The following IQCJ variants were observed in gnomAD, a reference collection of about 807,000 sequenced individuals.
The protein encoded by IQCJ is IQ domain-containing protein J.
In IQCJ, 9 loss-of-function variants were observed where a neutral mutation model predicts 11.0. The ratio of observed to expected loss-of-function variants is 0.82; its 90% CI spans 0.49 to 1.43. The LOEUF (loss-of-function observed/expected upper bound fraction) is 1.43, where lower values mean the gene tolerates loss of function less well. IQCJ is among the 40% of genes most tolerant of loss of function. IQCJ has a pLI of 0.00. For synonymous variants in IQCJ, 55 were observed against 51.3 expected, an observed-to-expected ratio of 1.07 and a Z score of -0.31; for missense variants, 146 against 133.2, an observed-to-expected ratio of 1.10 and a Z score of -0.47.
intron 1 of IQCJ, among the ~76,000 whole-genome samples, chr3:159,156,928 A>G (rs574785765): frequency 6.6e-6 from 1 of 152,184 alleles, no homozygotes; most frequent in African/African-American, 2.4e-5. Flanking sequence ...TTACTAGACT[A>G]TTTTCAACTT....
chr3:159,081,853 A>C (rs1716335585), intron 1 of IQCJ, among the ~76,000 whole-genome samples: 1 of 152,134 alleles, frequency 6.6e-6, no homozygotes, highest in African/African-American at 2.4e-5. Context: ...GGAGAGACTT[A>C]AGTAGAATAA....
chr3:159,103,852 A>G (rs183547039), intron 1 of IQCJ, among the ~76,000 whole-genome samples: 2 of 152,400 alleles, frequency 1.3e-5, no homozygotes, highest in African/African-American at 4.8e-5. Flanking sequence ...GAGAAGTAAT[A>G]ATGCTAGGTA....
intron 1 of IQCJ, among the ~76,000 whole-genome samples, chr3:159,146,622 C>T (rs577755301): frequency 4.6e-5 from 7 of 152,240 alleles, no homozygotes; most frequent in African/African-American, 1.7e-4. Context: ...CATTTAACTT[C>T]CAGGAACCTT....
chr3:159,209,781 G>C (rs1560026515), intron 1 of IQCJ, among the ~76,000 whole-genome samples: 2 of 152,146 alleles, frequency 1.3e-5, no homozygotes, highest in African/African-American at 2.4e-5. Context: ...AGTCCTGTAA[G>C]GGTGTCAGGG....
chr3:159,198,224 G>C (rs1044177052), intron 1 of IQCJ, among the ~76,000 whole-genome samples: 1 of 152,170 alleles, frequency 6.6e-6, no homozygotes, highest in Non-Finnish European at 1.5e-5. Flanking sequence ...AAGTAGAAAA[G>C]CATGTGTACT....
chr3:159,205,143 C>A (rs1487414216), intron 1 of IQCJ, among the ~76,000 whole-genome samples: 1 of 152,150 alleles, frequency 6.6e-6, no homozygotes. Context: ...ACACCAACCA[C>A]AAGTTTGGGG....
chr3:159,116,890 A>G (rs1478992085), intron 1 of IQCJ, among the ~76,000 whole-genome samples: 2 of 151,830 alleles, frequency 1.3e-5, no homozygotes, highest in African/African-American at 4.8e-5. Context: ...TGTTCCTGAG[A>G]AGGATCACTG....
At chr3:159,247,187 C>T (rs1345884559) in intron 2 of IQCJ, among the ~76,000 whole-genome samples, 1 of 152,162 alleles carries the variant, frequency 6.6e-6, no homozygotes, top group African/African-American at 2.4e-5. Context: ...ACCTCCGCCT[C>T]CCGGGTTCAA....
chr3:159,244,937 C>A (rs1042680424), intron 1 of IQCJ, among the ~76,000 whole-genome samples: 18 of 152,126 alleles, frequency 1.2e-4, no homozygotes, highest in African/African-American at 4.3e-4. Flanking sequence ...AGTGTGGCCT[C>A]AGGGAATGGT....
intron 1 of IQCJ, among the ~76,000 whole-genome samples, chr3:159,199,062 G>A (rs1219425164): frequency 6.6e-6 from 1 of 152,168 alleles, no homozygotes; most frequent in Non-Finnish European, 1.5e-5. Context: ...GAAACATTGT[G>A]GTGGTAAGTT....
chr3:159,147,828 AAG>A (rs1721003130), intron 1 of IQCJ, among the ~76,000 whole-genome samples: 1 of 152,216 alleles, frequency 6.6e-6, no homozygotes, highest in South Asian at 2.1e-4. Context: ...AACTTACTAA[AAG>A]AGGAATGACA....
intron 1 of IQCJ, among the ~76,000 whole-genome samples, chr3:159,149,199 A>C (rs906106248): frequency 2.6e-5 from 4 of 152,216 alleles, no homozygotes; most frequent in Non-Finnish European, 5.9e-5. Flanking sequence ...TCCTGGACAG[A>C]TTCTGCTTTA....
At chr3:159,127,118 C>T (rs552296997) in intron 1 of IQCJ, among the ~76,000 whole-genome samples, 1 of 152,336 alleles carries the variant, frequency 6.6e-6, no homozygotes, top group South Asian at 2.1e-4. Flanking sequence ...CAAGGAATTC[C>T]ATGCAGTTGA....
chr3:159,198,443 A>G (rs1208023031), intron 1 of IQCJ, among the ~76,000 whole-genome samples: 1 of 152,226 alleles, frequency 6.6e-6, no homozygotes. Context: ...TATAAGCAAT[A>G]GGCTGACATG....
chr3:159,258,021 A>G (rs1405829803), intron 3 of IQCJ, among the ~76,000 whole-genome samples: 1 of 152,200 alleles, frequency 6.6e-6, no homozygotes, highest in Non-Finnish European at 1.5e-5. Context: ...AAAAAAGATC[A>G]TATTGAATCA....
At chr3:159,122,517 A>G (rs1719436211) in intron 1 of IQCJ, among the ~76,000 whole-genome samples, 1 of 152,162 alleles carries the variant, frequency 6.6e-6, no homozygotes, top group African/African-American at 2.4e-5. Flanking sequence ...CTCAGAGCCA[A>G]TTTAGTGCTC....
intron 1 of IQCJ, among the ~76,000 whole-genome samples, chr3:159,150,615 C>CAT (rs377343537): frequency 0.032 from 4,781 of 149,680 alleles, 411 homozygotes; most frequent in African/African-American, 0.075. Flanking sequence ...CACACACACA[C>CAT]ATATTCTGGG....
intron 1 of IQCJ, among the ~76,000 whole-genome samples, chr3:159,160,698 A>C (rs1721796385): frequency 3.1e-5 from 3 of 97,988 alleles, no homozygotes; most frequent in East Asian, 3.5e-4. Flanking sequence ...CCACCCCACA[A>C]CTGTCCCCAG....
chr3:159,231,388 T>C (rs1020901343), intron 1 of IQCJ, among the ~76,000 whole-genome samples: 2 of 152,214 alleles, frequency 1.3e-5, no homozygotes, highest in African/African-American at 4.8e-5. Flanking sequence ...TCCCCCCACA[T>C]CTAATCTGTG....
Sources: allele counts gnomAD v4.1 joint callset (sites outside exome capture counted in the v4.1 genomes callset), GRCh38; gene constraint gnomAD v4.1.1; transcripts MANE v1.5; gene names NCBI Gene and HGNC (gene_info 2026-07-23, HGNC 2026-07-21).